Variants in ZNHIT6 observed in about 807,000 individuals in gnomAD.
ZNHIT6 encodes box C/D snoRNA protein 1.
ZNHIT6 carries 45 observed loss-of-function variants against 57.2 expected under a neutral mutation model. That is an observed-to-expected ratio of 0.79 (90% confidence interval 0.62 to 1.01). The LOEUF (loss-of-function observed/expected upper bound fraction) is 1.01. ZNHIT6 is among the 50% of genes least tolerant of loss of function. The pLI, the probability that ZNHIT6 is intolerant of heterozygous loss-of-function variation, is 0.00. For synonymous variants in ZNHIT6, 188 were observed against 190.0 expected (o/e 0.99, Z 0.09); for missense variants, 528 against 567.3 (o/e 0.93, Z 0.70).
At chr1:85,675,918 T>C (rs1169874065) in intron 8 of ZNHIT6, among the ~76,000 whole-genome samples, 2 of 152,130 alleles carry the variant, frequency 1.3e-5, no homozygotes. Context: ...CTCCCTCACC[T>C]CTCTCAGCCT....
intron 8 of ZNHIT6, among the ~76,000 whole-genome samples, chr1:85,665,413 C>A (rs1476188829): frequency 6.6e-6 from 1 of 152,010 alleles, no homozygotes; most frequent in African/African-American, 2.4e-5. Context: ...CAGGTGTGAG[C>A]CACTGTGCCG....
At chr1:85,684,324 T>G (rs75172846) in intron 5 of ZNHIT6, among the ~76,000 whole-genome samples, 1 of 152,148 alleles carries the variant, frequency 6.6e-6, no homozygotes, top group East Asian at 1.9e-4. Context: ...TAACTATTCA[T>G]GCATAGCAAA....
chr1:85,674,692 T>C (rs1661654101), intron 8 of ZNHIT6, among the ~76,000 whole-genome samples: 1 of 152,200 alleles, frequency 6.6e-6, no homozygotes, highest in African/African-American at 2.4e-5. Flanking sequence ...ATTCAGTTCC[T>C]TTCTTGCCAT....
In ZNHIT6 at chr1:85,653,004, T is replaced by G. The variant is rs1187803905; in HGVS notation, c.*1054A>C. On this transcript the variant is annotated 3_prime_UTR_variant, in exon 10 of 10. Transcript: ENST00000370574. ...AATAACATGTTGAAGATTTCCCAGG[T>G]TTTTTTTTCTTTAAGTTATTGCTAG... 1.3e-5 allele frequency: 2 copies of G among 151,554 alleles called. No homozygotes were observed. Among genetic ancestry groups the G allele is most frequent in the East Asian group, 3.9e-4 (2 of 5,188 alleles). 9.4% of individuals were successfully genotyped at this position (151,554 alleles called of 1,614,324 possible).
intron 5 of ZNHIT6, among the ~76,000 whole-genome samples, chr1:85,693,510 TTGGAA>T (rs1662276407): frequency 6.6e-6 from 1 of 152,170 alleles, no homozygotes; most frequent in African/African-American, 2.4e-5. Flanking sequence ...AACAAGTTAC[TTGGAA>T]TGTAGCAAAG....
intron 8 of ZNHIT6, among the ~76,000 whole-genome samples, chr1:85,672,080 T>C (rs970353692): frequency 2.0e-5 from 3 of 152,160 alleles, no homozygotes; most frequent in Admixed American, 6.5e-5. Context: ...TCTGAAGATA[T>C]CCTAATAATT....
intron 5 of ZNHIT6, among the ~76,000 whole-genome samples, chr1:85,700,575 A>G (rs568880997): frequency 6.6e-6 from 1 of 152,298 alleles, no homozygotes; most frequent in African/African-American, 2.4e-5. Context: ...CAGACACAAA[A>G]ATGTTATACT....
chr1:85,696,930 G>A lies in ZNHIT6; in HGVS notation c.1019+5227C>T, dbSNP rs143181102. Among the ~76,000 whole-genome samples, 743 of 147,198 alleles carry A rather than the reference G, an allele frequency of 5.0e-3. 4 individuals are homozygous for A. Among genetic ancestry groups the A allele is most frequent in the African/African-American group, 0.018 (702 of 39,724 alleles). On this transcript the variant is annotated intron_variant, in intron 5 of 9. Coordinates refer to ENST00000370574, the MANE Select transcript of ZNHIT6 (RefSeq NM_017953.4). ...TGCTGGAGTGCAGTGGCGCAATCTC[G>A]GCTCACTGCAAGCTCCGCCTCCCAG...
At position 85,656,413 on chromosome 1, in the gene ZNHIT6, T is replaced by C. The variant is rs186725931; in HGVS notation, c.1372+1434A>G. ...TAAGGCTCCCAGTACGCTAGTAAAG[T>C]AGTCTTTTCTTATTGCTTCATTACA... is the stretch of plus-strand genomic sequence containing the variant. On this transcript the variant is annotated intron_variant, in intron 9 of 9. Transcript: ENST00000370574. 1.3e-3 allele frequency among the ~76,000 whole-genome samples: 198 copies of C among 152,264 alleles called. 1 individual carries two copies. The highest frequency in any genetic ancestry group is 1.5e-3 in the Non-Finnish European group (99 of 68,006).
chr1:85,655,124 GA>G (rs1661026510), intron 9 of ZNHIT6, among the ~76,000 whole-genome samples: 1 of 152,156 alleles, frequency 6.6e-6, no homozygotes, highest in Non-Finnish European at 1.5e-5. Flanking sequence ...CAATCTTTGT[GA>G]AATTTTATGA....
chr1:85,669,785 CT>C (rs1157183885), intron 8 of ZNHIT6, among the ~76,000 whole-genome samples: 1 of 152,140 alleles, frequency 6.6e-6, no homozygotes, highest in East Asian at 1.9e-4. Flanking sequence ...CCTTTTATGC[CT>C]TGTATTTTAA....
intron 8 of ZNHIT6, among the ~76,000 whole-genome samples, chr1:85,662,915 T>C: frequency 6.6e-6 from 1 of 152,308 alleles, no homozygotes; most frequent in Middle Eastern, 3.4e-3. Context: ...ACTATATATT[T>C]TAAAACCTGT....
At chr1:85,696,175 AT>A (rs11327941) in intron 5 of ZNHIT6, among the ~76,000 whole-genome samples, 57,566 of 143,652 alleles carry the variant, frequency 0.4, 12,099 homozygotes, top group South Asian at 0.57. Flanking sequence ...TATTAACTGC[AT>A]TTTTTTTTTT....
At chr1:85,692,270 G>A (rs956845502) in intron 5 of ZNHIT6, among the ~76,000 whole-genome samples, 1 of 152,138 alleles carries the variant, frequency 6.6e-6, no homozygotes, top group Non-Finnish European at 1.5e-5. Flanking sequence ...GAATCAGTTC[G>A]GGAACCTCAA....
chr1:85,695,262 T>G (rs1216493762), intron 5 of ZNHIT6, among the ~76,000 whole-genome samples: 1 of 151,668 alleles, frequency 6.6e-6, no homozygotes, highest in East Asian at 1.9e-4. Flanking sequence ...ATGGAGACCC[T>G]GTCTCCAAAA....
intron 4 of ZNHIT6, among the ~76,000 whole-genome samples, chr1:85,702,868 A>G (rs543888150): frequency 1.5e-4 from 23 of 152,364 alleles, no homozygotes; most frequent in African/African-American, 5.5e-4. Context: ...GGGCAATTCC[A>G]GAGTTATGAA....
chr1:85,655,657 A>C (rs1661039885), intron 9 of ZNHIT6, among the ~76,000 whole-genome samples: 1 of 152,048 alleles, frequency 6.6e-6, no homozygotes, highest in African/African-American at 2.4e-5. Flanking sequence ...TTTCTCCCTC[A>C]TCTAAATCTG....
chr1:85,695,944 G>A (rs1475950285), intron 5 of ZNHIT6, among the ~76,000 whole-genome samples: 1 of 152,176 alleles, frequency 6.6e-6, no homozygotes, highest in Non-Finnish European at 1.5e-5. Context: ...ACTGAGGCAG[G>A]AGAATGGTGT....
At chr1:85,690,801 G>A (rs141562065) in intron 5 of ZNHIT6, among the ~76,000 whole-genome samples, 168 of 152,186 alleles carry the variant, frequency 1.1e-3, no homozygotes, top group South Asian at 4.4e-3. Flanking sequence ...TGAGGCGAGC[G>A]GATCACTTGA....
Sources: gnomAD v4.1 joint callset for allele counts (sites outside exome capture counted in the v4.1 genomes callset) on GRCh38, gnomAD v4.1.1 for gene constraint, MANE v1.5 for transcripts, NCBI Gene and HGNC (gene_info 2026-07-23, HGNC 2026-07-21) for gene names.